The following MSANTD1 variants were observed in gnomAD, a reference collection of about 807,000 sequenced individuals.
MSANTD1 encodes myb/SANT-like DNA-binding domain-containing protein 1.
MSANTD1 carries 7 observed loss-of-function variants against 24.2 expected under a neutral mutation model. The ratio of observed to expected loss-of-function variants is 0.29; its 90% CI spans 0.16 to 0.54. The LOEUF (loss-of-function observed/expected upper bound fraction) is 0.54. Among genes scored for constraint, MSANTD1 ranks in the 20% least tolerant of loss-of-function variants. The pLI, the probability that MSANTD1 is intolerant of heterozygous loss-of-function variation, is 0.94. For missense variants in MSANTD1, 384 were observed against 408.2 expected (o/e 0.94, Z 0.51); for synonymous variants, 177 against 181.1 (o/e 0.98, Z 0.18).
upstream of MSANTD1, among the ~76,000 whole-genome samples, chr4:3,246,020 A>T (rs1184544753): frequency 1.3e-5 from 2 of 152,134 alleles, no homozygotes; most frequent in African/African-American, 4.8e-5. Flanking sequence ...CTGCTAGGAC[A>T]GGCTGGTCCT....
At chr4:3,255,035 C>A (rs1328016679) in intron 2 of MSANTD1, among the ~76,000 whole-genome samples, 1 of 152,168 alleles carries the variant, frequency 6.6e-6, no homozygotes, top group East Asian at 1.9e-4. Context: ...ACCCCTGGCC[C>A]CCAACTGGGG....
chr4:3,253,468 G>A lies in MSANTD1; in HGVS notation c.582G>A (p.Leu194=), dbSNP rs1356880898. The A allele has an allele frequency of 6.4e-7, 1 of 1,562,898 alleles. No individual in the cohort carries two copies. The highest frequency in any genetic ancestry group is 8.7e-7 in the Non-Finnish European group (1 of 1,149,152). ...GCTCCGACAGCTCCTCCAGCTTACT[G>A]TCCCTTAAGTTCAGGTAGTGTGTCT... ...DDRSDSSSSL[L]SLKFRSEERP... Residue 194 remains leucine, a synonymous_variant, in exon 2 of 3, where the codon CTG becomes CTA. Transcript: ENST00000438480.
intron 1 of MSANTD1, among the ~76,000 whole-genome samples, chr4:3,252,139 G>C (rs1722248342): frequency 6.6e-6 from 1 of 152,246 alleles, no homozygotes; most frequent in Non-Finnish European, 1.5e-5. Context: ...GGGGCACTCT[G>C]TCACTCAAAG....
At chr4:3,246,135 A>C (rs1722019395), upstream of MSANTD1, among the ~76,000 whole-genome samples, 1 of 151,492 alleles carries the variant, frequency 6.6e-6, no homozygotes, top group Admixed American at 6.6e-5. Context: ...TCCTGGCCCC[A>C]ATTGCTCTGG....
intron 2 of MSANTD1, among the ~76,000 whole-genome samples, chr4:3,253,815 T>A (rs566031411): frequency 6.6e-6 from 1 of 152,328 alleles, no homozygotes; most frequent in East Asian, 1.9e-4. Flanking sequence ...AGACGCAGCA[T>A]GGGGCCCGGC....
chr4:3,256,096 G>C lies in MSANTD1; in HGVS notation c.*131G>C, dbSNP rs1448786107. ...GGAGACCGCCTTCCACCTGGCCTCT[G>C]GCAGGATGTCCCTTCTGAGGGGTAT... On this transcript the variant is annotated 3_prime_UTR_variant, in exon 3 of 3. Coordinates refer to ENST00000438480, the MANE Select transcript of MSANTD1 (RefSeq NM_001042690.2). The C allele has an allele frequency of 8.5e-7, 1 of 1,174,180 alleles. No individual in the cohort carries two copies. The highest frequency in any genetic ancestry group is 3.0e-5 in the East Asian group (1 of 33,800). The allele number at this position is 1,174,180 out of a possible 1,614,324, so 72.7% of individuals were successfully genotyped here.
At chr4:3,245,608 T>C (rs1020810218), upstream of MSANTD1, among the ~76,000 whole-genome samples, 3 of 152,204 alleles carry the variant, frequency 2.0e-5, no homozygotes, top group Non-Finnish European at 4.4e-5. Flanking sequence ...GTCTGGTCCA[T>C]GAGCACCGTG....
At chr4:3,247,865 A>C (rs572558746), upstream of MSANTD1, 29 of 152,380 alleles carry the variant, frequency 1.9e-4, no homozygotes, top group African/African-American at 6.7e-4. Flanking sequence ...CCTTCCCCTG[A>C]GAGCCTCGGT....
At chr4:3,252,369 G>A (rs950347811) in intron 1 of MSANTD1, among the ~76,000 whole-genome samples, 4 of 152,256 alleles carry the variant, frequency 2.6e-5, no homozygotes, top group African/African-American at 4.8e-5. Context: ...GTCTGCAGGA[G>A]TAGGTGGGTG....
Position 3,249,282 on chromosome 4 carries a change from C to CTCCG in MSANTD1, c.61_64dup (p.Gly22ValfsTer95), listed in dbSNP as rs1238002262. Reference sequence around the variant, plus strand: ...GCGCGCTCTCTCACCCCACAGGCGCCTCCGGCATGGCGGCGGCCGAGGGGC... The same window carrying CTCCG: ...GCGCGCTCTCTCACCCCACAGGCGCCTCCGTCCGGCATGGCGGCGGCCGAGGGGC... On this transcript the variant is annotated frameshift_variant, in exon 1 of 3. Coordinates refer to ENST00000438480, the MANE Select transcript of MSANTD1 (RefSeq NM_001042690.2). LOFTEE classifies it high-confidence loss of function. 5.9e-6 allele frequency: 9 copies of CTCCG among 1,521,118 alleles called. No individual in the cohort carries two copies. The African/African-American group carries it at 1.2e-4, about 21-fold the overall frequency. 94.2% of individuals were successfully genotyped at this position (1,521,118 alleles called of 1,614,324 possible). A position where few individuals can be genotyped will look rare whatever the true frequency, so the allele number is the denominator to read the frequency against.
intron 2 of MSANTD1, among the ~76,000 whole-genome samples, chr4:3,254,832 G>A (rs1428196357): frequency 9.9e-5 from 15 of 152,180 alleles, no homozygotes; most frequent in Non-Finnish European, 1.6e-4. Flanking sequence ...AAGGTGTGCC[G>A]GCCCCATTTC....
chr4:3,250,541 C>T (rs1377157106), intron 1 of MSANTD1, among the ~76,000 whole-genome samples: 1 of 152,158 alleles, frequency 6.6e-6, no homozygotes, highest in Non-Finnish European at 1.5e-5. Context: ...GTGAAGGTCA[C>T]AGGTGTGGGG....
intron 2 of MSANTD1, 83 bp downstream of exon 2, chr4:3,253,565 C>T (rs2798226): frequency 0.37 from 508,630 of 1,371,042 alleles, 98,705 homozygotes; most frequent in Non-Finnish European, 0.39. Flanking sequence ...GTGGCAAGGC[C>T]GGCGGCGGCG....
Position 3,253,780 on chromosome 4 carries a change from G to T in MSANTD1, c.596+298G>T, listed in dbSNP as rs146473570. 3.7e-3 allele frequency among the ~76,000 whole-genome samples: 570 copies of T among 152,332 alleles called. 1 individual carries two copies. The highest frequency in any genetic ancestry group is 0.013 in the African/African-American group (522 of 41,572). On this transcript the variant is annotated intron_variant, in intron 2 of 2. Coordinates refer to ENST00000438480, the MANE Select transcript of MSANTD1 (RefSeq NM_001042690.2). ...GGTAAATCAGTACCTTTCTCAGAGG[G>T]TGGCTGGGAGCATCACAGGAGAGAA...
At chr4:3,255,139 G>A (rs113808771) in intron 2 of MSANTD1, among the ~76,000 whole-genome samples, 15 of 152,324 alleles carry the variant, frequency 9.8e-5, no homozygotes, top group African/African-American at 3.1e-4. Flanking sequence ...TTTCCAGACC[G>A]AAGGGGTGTG....
chr4:3,251,754 G>A (rs1722238388), intron 1 of MSANTD1, among the ~76,000 whole-genome samples: 1 of 150,822 alleles, frequency 6.6e-6, no homozygotes, highest in African/African-American at 2.5e-5. Flanking sequence ...AGAAGCCTGA[G>A]AGGGTGGCTG....
At chr4:3,253,631 C>T in intron 2 of MSANTD1, 149 bp downstream of exon 2, 4 of 796,782 alleles carry the variant, frequency 5.0e-6, no homozygotes, top group Non-Finnish European at 7.4e-6. Context: ...GACAGGCGGC[C>T]TCAGACCAGG....
At chr4:3,246,456 C>G (rs536868322), upstream of MSANTD1, 1 of 449,214 alleles carries the variant, frequency 2.2e-6, no homozygotes, top group South Asian at 4.8e-5. Context: ...TAGTTGGGCC[C>G]AGCCTCATTA....
rs201859616 is a variant in MSANTD1, at chr4:3,253,399, C to G, written c.513C>G (p.Phe171Leu). 6.2e-7 allele frequency: 1 copy of G among 1,604,882 alleles called. No homozygotes were observed. The highest frequency in any genetic ancestry group is 2.2e-5 in the East Asian group (1 of 44,494). ...CCGCTAAGTCCACCCCTCTGTACTTCCCGTATAACCAGTGCTCCTACGAAG... is the reference window on the plus strand; with the variant it reads ...CCGCTAAGTCCACCCCTCTGTACTTGCCGTATAACCAGTGCTCCTACGAAG... Reference protein sequence around the residue: ...SPPAKSTPLYFPYNQCSYEGR... With the variant: ...SPPAKSTPLYLPYNQCSYEGR... The change falls in exon 2 of 3, where the codon TTC becomes TTG. Residue 171 changes from phenylalanine to leucine, a missense_variant. Physicochemically the swap from Phe to Leu is conservative, Grantham distance 22. Transcript: ENST00000438480.
Sources: gnomAD v4.1 joint callset for allele counts (sites outside exome capture counted in the v4.1 genomes callset) on GRCh38, gnomAD v4.1.1 for gene constraint, MANE v1.5 for transcripts, NCBI Gene and HGNC (gene_info 2026-07-23, HGNC 2026-07-21) for gene names.